PLD3: variants seen among roughly 807,000 people sequenced by gnomAD.
PLD3 encodes the protein 5'-3' exonuclease PLD3.
A neutral mutation model predicts 58.4 loss-of-function variants in PLD3; 31 were observed. The ratio of observed to expected loss-of-function variants is 0.53; its 90% CI spans 0.40 to 0.72. PLD3 has a LOEUF of 0.72. Among genes scored for constraint, PLD3 ranks in the 30% least tolerant of loss-of-function variants. The pLI, the probability that PLD3 is intolerant of heterozygous loss-of-function variation, is 0.00. For missense variants in PLD3, 595 were observed against 659.8 expected, an observed-to-expected ratio of 0.90 and a Z score of 1.08; for synonymous variants, 264 against 273.4, an observed-to-expected ratio of 0.97 and a Z score of 0.34.
At position 40,366,807 on chromosome 19, in the gene PLD3, C is replaced by T. The variant is rs1013261622; in HGVS notation, c.137C>T (p.Ala46Val). The change falls in exon 5 of 13, where the codon GCG becomes GTG. Residue 46 changes from alanine (A) to valine (V), a missense_variant. By Grantham distance (64) the Ala-to-Val change is moderately conservative (BLOSUM62 0). Transcript: ENST00000409735. ...TGGGTCCTGCTGGTCCTCATTCTGGCGGTTGTGGGCTTCGGAGCCCTGATG... is the reference window on the plus strand; with the variant it reads ...TGGGTCCTGCTGGTCCTCATTCTGGTGGTTGTGGGCTTCGGAGCCCTGATG... ...ARWVLLVLIL[A>V]VVGFGALMTQ... is the part of the protein sequence containing the mutation. 6.8e-6 allele frequency: 11 copies of T among 1,613,846 alleles called. No homozygotes were observed. The highest frequency in any genetic ancestry group is 2.7e-5 in the African/African-American group (2 of 74,908).
intron 2 of PLD3, 128 bp from the exon 3 acceptor site, chr19:40,366,291 T>G: frequency 1.6e-6 from 1 of 623,772 alleles, no homozygotes; most frequent in South Asian, 1.9e-5. Flanking sequence ...TTCCTCTTTT[T>G]GGGGTGGTGG....
At chr19:40,372,855 G>A (rs1012956417) in intron 9 of PLD3, among the ~76,000 whole-genome samples, 12 of 152,168 alleles carry the variant, frequency 7.9e-5, no homozygotes, top group African/African-American at 2.9e-4. Flanking sequence ...CTGGGCAAGA[G>A]GCTGTTGCCC....
chr19:40,375,635 G>A (rs1224564404), intron 10 of PLD3, among the ~76,000 whole-genome samples: 1 of 140,592 alleles, frequency 7.1e-6, no homozygotes, highest in Non-Finnish European at 1.5e-5. Flanking sequence ...GGGCGACGGA[G>A]CGAGACACCT....
chr19:40,372,729 A>C (rs1363773997), intron 9 of PLD3, among the ~76,000 whole-genome samples: 1 of 150,622 alleles, frequency 6.6e-6, no homozygotes, highest in Non-Finnish European at 1.5e-5. Context: ...ATATTAATTA[A>C]AATTAGCCGG....
chr19:40,375,173 A>C (rs770404884), intron 10 of PLD3, among the ~76,000 whole-genome samples: 43 of 151,762 alleles, frequency 2.8e-4, no homozygotes, highest in African/African-American at 8.2e-4. Context: ...AAAACAACAA[A>C]AAAAAAGAGA....
chr19:40,361,516 A>G (rs2078783592), intron 1 of PLD3, among the ~76,000 whole-genome samples: 1 of 152,184 alleles, frequency 6.6e-6, no homozygotes, highest in African/African-American at 2.4e-5. Context: ...GCAGCCCTGC[A>G]GGATCTGGCC....
At chr19:40,372,440 T>C (rs941099835) in intron 9 of PLD3, among the ~76,000 whole-genome samples, 1 of 149,710 alleles carries the variant, frequency 6.7e-6, no homozygotes, top group African/African-American at 2.5e-5. Flanking sequence ...TAGGCTGCAG[T>C]GAGCCATGAT....
At chr19:40,377,912 C>T in intron 12 of PLD3, 27 bp downstream of exon 12, 1 of 1,613,244 alleles carries the variant, frequency 6.2e-7, no homozygotes, top group Non-Finnish European at 8.5e-7. Flanking sequence ...CCACGGGGCG[C>T]TGAAGAAGAG....
chr19:40,377,048 C>T (rs1417607556), intron 11 of PLD3, among the ~76,000 whole-genome samples: 1 of 136,174 alleles, frequency 7.3e-6, no homozygotes, highest in African/African-American at 2.9e-5. Flanking sequence ...GGGGTCAGGG[C>T]TGGGATTGGG....
At chr19:40,377,273 A>G (rs2079242652) in intron 11 of PLD3, among the ~76,000 whole-genome samples, 1 of 51,150 alleles carries the variant, frequency 2.0e-5, no homozygotes, top group Admixed American at 2.9e-4. Context: ...GTGGGCAGGT[A>G]GAGGGGTCGG....
At position 40,366,890 on chromosome 19, in the gene PLD3, C is replaced by T. The variant is rs145826567; in HGVS notation, c.220C>T (p.Pro74Ser). The change falls in exon 5 of 13, where the codon CCA becomes TCA. Residue 74 changes from proline to serine, a missense_variant. By Grantham distance (74) the Pro-to-Ser change is moderately conservative. Transcript: ENST00000409735. Reference sequence around the variant, plus strand: ...GCATCTCTTTGGGCCCAACCAGCGCCCAGCCCCCTGCTATGACCCTTGCGA... The same window carrying T: ...GCATCTCTTTGGGCCCAACCAGCGCTCAGCCCCCTGCTATGACCCTTGCGA... Reference protein sequence around the residue: ...DLHLFGPNQRPAPCYDPCEAV... With the variant: ...DLHLFGPNQRSAPCYDPCEAV... 489 of 1,611,900 alleles carry T rather than the reference C, an allele frequency of 3.0e-4. No individual in the cohort carries two copies. The highest frequency in any genetic ancestry group is 3.9e-4 in the Non-Finnish European group (458 of 1,178,872).
At chr19:40,375,372 C>T (rs1054582281) in intron 10 of PLD3, among the ~76,000 whole-genome samples, 1 of 151,706 alleles carries the variant, frequency 6.6e-6, no homozygotes, top group Admixed American at 6.6e-5. Context: ...AACAACCGGC[C>T]GGACGTGGTG....
Position 40,371,581 on chromosome 19 carries a change from CAG to C in PLD3, c.679-91_679-90del, listed in dbSNP as rs915216416. 316 of 782,534 alleles carry C rather than the reference CAG, an allele frequency of 4.0e-4. 1 individual carries two copies. Among genetic ancestry groups the C allele is most frequent in the Non-Finnish European group, 3.7e-4 (175 of 469,126 alleles). The allele number at this position is 782,534 out of a possible 1,614,324, so 48.5% of individuals were successfully genotyped here. ...CTGGGGTGGAGGGGGTACTGTGGGA[CAG>C]GGGGAAAGACAGAGACCAGACTGGG... On this transcript the variant is annotated intron_variant, in intron 8 of 12. Transcript: ENST00000409735.
chr19:40,375,796 C>T (rs764063576), intron 10 of PLD3, among the ~76,000 whole-genome samples: 4 of 152,124 alleles, frequency 2.6e-5, no homozygotes, highest in East Asian at 1.9e-4. Flanking sequence ...TGGTGGCTCA[C>T]GCCTGTAATC....
intron 5 of PLD3, chr19:40,367,147 C>T (rs1203055512): frequency 9.2e-6 from 5 of 540,566 alleles, no homozygotes; most frequent in Admixed American, 3.5e-5. Context: ...CTTCCACCCA[C>T]ATCTGTGGAC....
Position 40,378,351 on chromosome 19 carries a change from G to C in PLD3, c.*178G>C. 1 of 719,558 alleles carries C rather than the reference G, an allele frequency of 1.4e-6. No individual in the cohort carries two copies. The highest frequency in any genetic ancestry group is 2.5e-6 in the Non-Finnish European group (1 of 402,100). The allele number at this position is 719,558 out of a possible 1,614,324, so 44.6% of individuals were successfully genotyped here. On this transcript the variant is annotated 3_prime_UTR_variant, in exon 13 of 13. Transcript: ENST00000409735. ...CACCGGCCTGACGCTGTGGCCCCGGGACCCAGCAGAGCTGGGGGAGGGATC... is the reference window on the plus strand; with the variant it reads ...CACCGGCCTGACGCTGTGGCCCCGGCACCCAGCAGAGCTGGGGGAGGGATC...
At position 40,348,945 on chromosome 19, in the gene PLD3, ACCATT is replaced by A. The variant is rs766081801; in HGVS notation, c.-279+180_-279+184del. Reference sequence around the variant, plus strand: ...ATGTCGTCCTCGGTCTCTTTATGTCACCATTCCTCTCCTTCTGTCTCATCCCACTT... The same window carrying A: ...ATGTCGTCCTCGGTCTCTTTATGTCACCTCTCCTTCTGTCTCATCCCACTT... On this transcript the variant is annotated intron_variant, in intron 1 of 12. Transcript: ENST00000409735. 1.6e-4 allele frequency among the ~76,000 whole-genome samples: 24 copies of A among 151,434 alleles called. 1 individual carries two copies. The highest frequency in any genetic ancestry group is 3.5e-3 in the Middle Eastern group (1 of 288).
intron 10 of PLD3, 63 bp from the exon 11 acceptor site, chr19:40,376,546 G>A: frequency 6.5e-7 from 1 of 1,530,098 alleles, no homozygotes; most frequent in Admixed American, 1.8e-5. Flanking sequence ...AAAGCTGAGG[G>A]CAAAGCCTGT....
In PLD3 at chr19:40,348,840, AATATAAT is replaced by A. The variant is rs573313956; in HGVS notation, c.-279+78_-279+84del. 1.2e-4 allele frequency: 20 copies of A among 168,298 alleles called. No individual in the cohort carries two copies. The South Asian group carries it at 3.3e-3, about 28-fold the overall frequency. 10.4% of individuals were successfully genotyped at this position (168,298 alleles called of 1,614,324 possible). On this transcript the variant is annotated intron_variant, in intron 1 of 12. Coordinates refer to ENST00000409735, the MANE Select transcript of PLD3 (RefSeq NM_012268.4). Reference sequence around the variant, plus strand: ...TTGTCTTCCACGCTATAATGCATGGAATATAATATATATTATATGGAATATAATATAT... The same window carrying A: ...TTGTCTTCCACGCTATAATGCATGGAATATATTATATGGAATATAATATAT...
Sources: allele counts gnomAD v4.1 joint callset (sites outside exome capture counted in the v4.1 genomes callset), GRCh38; gene constraint gnomAD v4.1.1; transcripts MANE v1.5; gene names NCBI Gene and HGNC (gene_info 2026-07-23, HGNC 2026-07-21).